ARHGAP19: variants seen among roughly 807,000 people sequenced by gnomAD.
ARHGAP19 encodes Rho GTPase activating protein 19.
In ARHGAP19, 48 loss-of-function variants were observed where a neutral mutation model predicts 60.9. The ratio of observed to expected loss-of-function variants is 0.79; its 90% CI spans 0.62 to 1.00. The LOEUF is 1.00. Among genes scored for constraint, ARHGAP19 ranks in the 50% least tolerant of loss-of-function variants. The pLI is 0.00. For missense variants in ARHGAP19, 562 were observed against 597.2 expected, an observed-to-expected ratio of 0.94 and a Z score of 0.61; for synonymous variants, 209 against 215.5, an observed-to-expected ratio of 0.97 and a Z score of 0.27.
At chr10:97,260,674 C>T (rs375081327) in intron 4 of ARHGAP19, among the ~76,000 whole-genome samples, 4 of 152,134 alleles carry the variant, frequency 2.6e-5, no homozygotes, top group African/African-American at 9.7e-5. Context: ...ATTAAACCCT[C>T]CTATATTGCT....
At chr10:97,290,355 C>G (rs905645832) in intron 1 of ARHGAP19, among the ~76,000 whole-genome samples, 4 of 152,196 alleles carry the variant, frequency 2.6e-5, no homozygotes, top group African/African-American at 9.7e-5. Flanking sequence ...CACTCCCGAT[C>G]GTGCTAAAGG....
intron 6 of ARHGAP19, among the ~76,000 whole-genome samples, chr10:97,251,320 G>A (rs1348415778): frequency 2.2e-5 from 1 of 45,818 alleles, no homozygotes; most frequent in Non-Finnish European, 4.5e-5. Flanking sequence ...GGAAGGGGAA[G>A]GGAAGGGGAA....
intron 1 of ARHGAP19, among the ~76,000 whole-genome samples, chr10:97,274,638 C>T (rs1056824577): frequency 1.3e-5 from 2 of 151,992 alleles, no homozygotes; most frequent in African/African-American, 4.8e-5. Flanking sequence ...GTATAATTGA[C>T]GTTTCATGAC....
At chr10:97,251,205 G>C (rs796438187) in intron 6 of ARHGAP19, among the ~76,000 whole-genome samples, 11 of 61,084 alleles carry the variant, frequency 1.8e-4, no homozygotes, top group African/African-American at 7.8e-4. Context: ...AGGGGAAAGG[G>C]AAGGGGAAGG....
At chr10:97,241,377 C>A (rs1020910232) in intron 8 of ARHGAP19, among the ~76,000 whole-genome samples, 4 of 151,082 alleles carry the variant, frequency 2.6e-5, no homozygotes, top group Non-Finnish European at 4.4e-5. Context: ...GGCAACAGAG[C>A]GAGACTCCAT....
intron 4 of ARHGAP19, among the ~76,000 whole-genome samples, chr10:97,262,972 G>A (rs138938739): frequency 6.6e-6 from 1 of 152,122 alleles, no homozygotes; most frequent in Non-Finnish European, 1.5e-5. Flanking sequence ...AATTTGCCAG[G>A]CGTGGTGCCG....
intron 6 of ARHGAP19, among the ~76,000 whole-genome samples, chr10:97,250,463 C>A (rs1049593727): frequency 1.3e-5 from 2 of 151,238 alleles, no homozygotes; most frequent in South Asian, 4.2e-4. Context: ...TGGCTCACCA[C>A]AACCTTTGCC....
chr10:97,286,002 CT>C (rs1450227661), intron 1 of ARHGAP19, among the ~76,000 whole-genome samples: 2 of 152,044 alleles, frequency 1.3e-5, no homozygotes, highest in Admixed American at 1.3e-4. Flanking sequence ...TGTTTTCTTC[CT>C]TCCCCTCCTT....
chr10:97,286,165 G>T (rs752860115), intron 1 of ARHGAP19, among the ~76,000 whole-genome samples: 9 of 145,034 alleles, frequency 6.2e-5, no homozygotes, highest in Non-Finnish European at 1.4e-4. Context: ...TACAAAACTA[G>T]ATTCAGGTTT....
intron 8 of ARHGAP19, among the ~76,000 whole-genome samples, chr10:97,243,000 CTACT>C (rs1842512555): frequency 6.6e-6 from 1 of 152,184 alleles, no homozygotes; most frequent in South Asian, 2.1e-4. Flanking sequence ...CTACATGAAA[CTACT>C]TAGTTTCTAT....
At chr10:97,289,143 C>T (rs1219862482) in intron 1 of ARHGAP19, among the ~76,000 whole-genome samples, 7 of 140,526 alleles carry the variant, frequency 5.0e-5, no homozygotes, top group Admixed American at 3.8e-4. Flanking sequence ...GAAACGTAGT[C>T]TCGCTCTGTC....
chr10:97,242,702 C>G (rs1374645689), intron 8 of ARHGAP19, among the ~76,000 whole-genome samples: 1 of 152,134 alleles, frequency 6.6e-6, no homozygotes, highest in African/African-American at 2.4e-5. Flanking sequence ...TTAGTAGAGA[C>G]TAGGTTTCTC....
At position 97,226,057 on chromosome 10, in the gene ARHGAP19, A is replaced by T. The variant is rs1162338200; in HGVS notation, c.*65T>A. On this transcript the variant is annotated 3_prime_UTR_variant, in exon 12 of 12. Coordinates refer to ENST00000358531, the MANE Select transcript of ARHGAP19 (RefSeq NM_032900.6). ...TGCAAGTCCAAGCTTTGCTGTGGGC[A>T]GGAATAACACCTGCCCACTAAACAG... 1 of 1,561,420 alleles carries T rather than the reference A, an allele frequency of 6.4e-7. No homozygotes were observed. Among genetic ancestry groups the T allele is most frequent in the Non-Finnish European group, 8.8e-7 (1 of 1,139,234 alleles).
intron 9 of ARHGAP19, among the ~76,000 whole-genome samples, chr10:97,233,699 C>T (rs1851070652): frequency 6.6e-6 from 1 of 151,940 alleles, no homozygotes; most frequent in Non-Finnish European, 1.5e-5. Flanking sequence ...GAAACCTCGT[C>T]TCTACTAAAA....
chr10:97,265,761 TTTAAG>T (rs2134890223), intron 2 of ARHGAP19, 94 bp downstream of exon 2: 6 of 1,491,562 alleles, frequency 4.0e-6, no homozygotes, highest in South Asian at 1.4e-5. Flanking sequence ...CAAAAAATGC[TTTAAG>T]TTAATAGCAA....
At position 97,232,758 on chromosome 10, in the gene ARHGAP19, C is replaced by CAA. The variant is rs565361873; in HGVS notation, c.1284+2457_1284+2458dup. Among the ~76,000 whole-genome samples, 565 of 144,676 alleles carry CAA rather than the reference C, an allele frequency of 3.9e-3. 4 individuals carry two copies. Among genetic ancestry groups the CAA allele is most frequent in the African/African-American group, 0.013 (530 of 39,670 alleles). 94.9% of individuals were successfully genotyped at this position (144,676 alleles called of 152,430 possible). A position where few individuals can be genotyped will look rare whatever the true frequency, so the allele number is the denominator to read the frequency against. Reference sequence around the variant, plus strand: ...TTTGTAAATGCTAACAGCTGTACCTCAAAAAAAAAAAATTACAGACACAGT... The same window carrying CAA: ...TTTGTAAATGCTAACAGCTGTACCTCAAAAAAAAAAAAAATTACAGACACAGT... On this transcript the variant is annotated intron_variant, in intron 9 of 11. Transcript: ENST00000358531.
intron 6 of ARHGAP19, among the ~76,000 whole-genome samples, chr10:97,253,432 GA>G (rs1842715269): frequency 6.7e-6 from 1 of 150,052 alleles, no homozygotes; most frequent in Admixed American, 6.6e-5. Context: ...GAAAAGAAAA[GA>G]AAAAAAGATT....
At chr10:97,255,973 C>T (rs1483541321) in intron 6 of ARHGAP19, among the ~76,000 whole-genome samples, 1 of 152,128 alleles carries the variant, frequency 6.6e-6, no homozygotes, top group Non-Finnish European at 1.5e-5. Flanking sequence ...CCAAAGAGTA[C>T]AAAATGACCC....
chr10:97,226,769 A>G (rs578066455), intron 11 of ARHGAP19, among the ~76,000 whole-genome samples: 25 of 152,382 alleles, frequency 1.6e-4, no homozygotes, highest in African/African-American at 5.8e-4. Context: ...TGTAGCATTA[A>G]TAAGTTCAAA....
Sources: gnomAD v4.1 joint callset for allele counts (sites outside exome capture counted in the v4.1 genomes callset) on GRCh38, gnomAD v4.1.1 for gene constraint, MANE v1.5 for transcripts, NCBI Gene and HGNC (gene_info 2026-07-23, HGNC 2026-07-21) for gene names.